SAMMSON: variants seen among roughly 807,000 people sequenced by gnomAD.
The protein encoded by SAMMSON is long intergenic non-protein coding RNA 1212.
chr3:70,008,641 T>G (rs1407284792), intron 1 of SAMMSON, among the ~76,000 whole-genome samples: 2 of 152,110 alleles, frequency 1.3e-5, no homozygotes, highest in African/African-American at 4.8e-5. Context: ...TCTTTCTCCT[T>G]CCTGATTGCC....
At chr3:70,160,477 G>C (rs1436455745) in intron 4 of SAMMSON, among the ~76,000 whole-genome samples, 1 of 150,052 alleles carries the variant, frequency 6.7e-6, no homozygotes, top group Non-Finnish European at 1.5e-5. Flanking sequence ...AGGTGGGTTT[G>C]TTGAATATCA....
At chr3:70,422,003 G>A (rs116319248) in intron 2 of SAMMSON, among the ~76,000 whole-genome samples, 3,254 of 152,062 alleles carry the variant, frequency 0.021, 54 homozygotes, top group South Asian at 0.055. Flanking sequence ...GTAACATGAA[G>A]GTGAGAGATA....
At chr3:70,295,724 T>C (rs1398478575) in intron 7 of SAMMSON, among the ~76,000 whole-genome samples, 1 of 152,122 alleles carries the variant, frequency 6.6e-6, no homozygotes, top group Non-Finnish European at 1.5e-5. Context: ...ATACAAATAC[T>C]ACAATGCAAA....
chr3:70,091,951 G>T (rs950980385), intron 4 of SAMMSON, among the ~76,000 whole-genome samples: 1 of 152,122 alleles, frequency 6.6e-6, no homozygotes, highest in African/African-American at 2.4e-5. Context: ...CATACACGAA[G>T]TAAAGGAAAT....
chr3:70,032,440 G>T lies in SAMMSON; in HGVS notation n.417+18768G>T, dbSNP rs113097089. Among the ~76,000 whole-genome samples, 602 of 152,262 alleles carry T rather than the reference G, an allele frequency of 4.0e-3. 6 individuals carry two copies. The highest frequency in any genetic ancestry group is 0.014 in the African/African-American group (580 of 41,552). On this transcript the variant is annotated intron_variant and non_coding_transcript_variant, in intron 3 of 9. Coordinates refer to ENST00000642114, the Ensembl canonical transcript of SAMMSON. Reference sequence around the variant, plus strand: ...GAACCGTGAATTTTAAACTCCTTCAGCCTAGAGGATTTTGCTTTCTCTGTC... The same window carrying T: ...GAACCGTGAATTTTAAACTCCTTCATCCTAGAGGATTTTGCTTTCTCTGTC...
chr3:70,230,740 C>T (rs1398335100), intron 4 of SAMMSON, among the ~76,000 whole-genome samples: 1 of 152,118 alleles, frequency 6.6e-6, no homozygotes, highest in East Asian at 1.9e-4. Flanking sequence ...AGAATTCATC[C>T]CATGCCTTCA....
intron 1 of SAMMSON, chr3:70,009,326 T>C (rs1218863238): frequency 2.6e-5 from 4 of 152,198 alleles, no homozygotes; most frequent in Admixed American, 2.6e-4. Context: ...AGCCTGTTAT[T>C]GGTCTATTCA....
intron 2 of SAMMSON, among the ~76,000 whole-genome samples, chr3:70,406,183 T>C (rs1464517782): frequency 6.6e-6 from 1 of 152,186 alleles, no homozygotes; most frequent in African/African-American, 2.4e-5. Context: ...TTATTTGTCA[T>C]TTAAAATAAA....
At chr3:70,104,227 G>A (rs1026712124) in intron 4 of SAMMSON, among the ~76,000 whole-genome samples, 2 of 151,704 alleles carry the variant, frequency 1.3e-5, no homozygotes, top group African/African-American at 2.4e-5. Flanking sequence ...AAGCAAATAC[G>A]AATAGGCAGT....
intron 2 of SAMMSON, among the ~76,000 whole-genome samples, chr3:70,403,004 C>A (rs1172418956): frequency 6.6e-6 from 1 of 151,904 alleles, no homozygotes; most frequent in Non-Finnish European, 1.5e-5. Flanking sequence ...GCTGAGACTT[C>A]CATATAGTCT....
chr3:70,092,783 G>A (rs999356602), intron 4 of SAMMSON, among the ~76,000 whole-genome samples: 7 of 151,944 alleles, frequency 4.6e-5, no homozygotes, highest in East Asian at 1.9e-4. Flanking sequence ...GTACTTTTGT[G>A]TATAGATGTG....
At chr3:70,141,942 A>G (rs2067529326) in intron 4 of SAMMSON, among the ~76,000 whole-genome samples, 1 of 152,176 alleles carries the variant, frequency 6.6e-6, no homozygotes, top group African/African-American at 2.4e-5. Flanking sequence ...TCTCAGCATC[A>G]CTAATGATCA....
chr3:70,031,720 T>G (rs2067066750), intron 3 of SAMMSON, among the ~76,000 whole-genome samples: 2 of 152,092 alleles, frequency 1.3e-5, no homozygotes, highest in South Asian at 4.1e-4. Flanking sequence ...GCCTGATTAG[T>G]GGGATTTGGT....
At chr3:70,025,571 C>T (rs1182274410) in intron 3 of SAMMSON, among the ~76,000 whole-genome samples, 1 of 152,158 alleles carries the variant, frequency 6.6e-6, no homozygotes, top group African/African-American at 2.4e-5. Flanking sequence ...CTAACAACCA[C>T]CTTAAACCAT....
intron 4 of SAMMSON, among the ~76,000 whole-genome samples, chr3:70,136,266 T>C (rs2067505422): frequency 6.6e-6 from 1 of 152,194 alleles, no homozygotes; most frequent in African/African-American, 2.4e-5. Flanking sequence ...AAAGTTATTG[T>C]GGTTGTGTGA....
chr3:70,077,618 C>T (rs1038471595), intron 4 of SAMMSON, among the ~76,000 whole-genome samples: 1 of 152,014 alleles, frequency 6.6e-6, no homozygotes, highest in Non-Finnish European at 1.5e-5. Flanking sequence ...TATATAGATC[C>T]TATATCAGAA....
At chr3:70,191,911 A>T (rs1216624952) in intron 4 of SAMMSON, among the ~76,000 whole-genome samples, 1 of 151,764 alleles carries the variant, frequency 6.6e-6, no homozygotes, top group Non-Finnish European at 1.5e-5. Context: ...GGAAATAATA[A>T]TAAAATCTAC....
chr3:70,012,854 G>A (rs1219962371), intron 2 of SAMMSON, among the ~76,000 whole-genome samples: 15 of 152,000 alleles, frequency 9.9e-5, no homozygotes, highest in East Asian at 3.9e-4. Flanking sequence ...GGAAGTTCTC[G>A]TACATAGATA....
At chr3:70,076,349 A>T (rs1409964050) in intron 4 of SAMMSON, among the ~76,000 whole-genome samples, 1 of 152,200 alleles carries the variant, frequency 6.6e-6, no homozygotes, top group Non-Finnish European at 1.5e-5. Flanking sequence ...TTGGGAGTAT[A>T]AATTGGGATG....
Sources: allele counts gnomAD v4.1 joint callset (sites outside exome capture counted in the v4.1 genomes callset), GRCh38; gene constraint gnomAD v4.1.1; transcripts MANE v1.5; gene names NCBI Gene and HGNC (gene_info 2026-07-23, HGNC 2026-07-21).